Variants in RAB3C observed in about 807,000 individuals in gnomAD.
RAB3C encodes ras-related protein Rab-3C.
In RAB3C, 17 loss-of-function variants were observed where a neutral mutation model predicts 26.4. The observed-to-expected ratio is 0.64, with a 90% CI of 0.44 to 0.97. The LOEUF (loss-of-function observed/expected upper bound fraction) is 0.97, where lower values mean the gene tolerates loss of function less well. Ranked by LOEUF, RAB3C falls within the 50% of genes least tolerant of loss-of-function variation. The pLI, the probability that RAB3C is intolerant of heterozygous loss-of-function variation, is 0.00. For synonymous variants in RAB3C, 91 were observed against 95.9 expected (o/e 0.95, Z 0.30); for missense variants, 242 against 281.9 (o/e 0.86, Z 1.01).
chr5:58,696,837 A>G (rs1465722035), intron 2 of RAB3C, among the ~76,000 whole-genome samples: 1 of 151,942 alleles, frequency 6.6e-6, no homozygotes, highest in African/African-American at 2.4e-5. Flanking sequence ...TCTTTCTAGC[A>G]GTCTACCAAT....
chr5:58,603,963 G>A (rs1746508349), intron 1 of RAB3C, among the ~76,000 whole-genome samples: 1 of 152,206 alleles, frequency 6.6e-6, no homozygotes, highest in Non-Finnish European at 1.5e-5. Context: ...TAGGGCTGAA[G>A]GCTGTTGTTC....
At chr5:58,596,000 GTTGTATAAGGGGAAGA>G (rs1187048991) in intron 1 of RAB3C, among the ~76,000 whole-genome samples, 1 of 152,102 alleles carries the variant, frequency 6.6e-6, no homozygotes, top group Non-Finnish European at 1.5e-5. Flanking sequence ...TTTTATCTAA[GTTGTATAAGGGGAAGA>G]TGGCTGCTTG....
intron 2 of RAB3C, among the ~76,000 whole-genome samples, chr5:58,654,458 A>G (rs1048990263): frequency 2.6e-5 from 4 of 152,196 alleles, no homozygotes; most frequent in African/African-American, 7.2e-5. Flanking sequence ...TGATTATGCC[A>G]TTTAATTATA....
intron 1 of RAB3C, among the ~76,000 whole-genome samples, chr5:58,606,788 G>A (rs1223100072): frequency 6.6e-6 from 1 of 152,114 alleles, no homozygotes; most frequent in African/African-American, 2.4e-5. Flanking sequence ...TGGAGTAGTG[G>A]ACCTCCAGCA....
intron 2 of RAB3C, among the ~76,000 whole-genome samples, chr5:58,719,826 G>C (rs1350768509): frequency 6.6e-6 from 1 of 151,642 alleles, no homozygotes; most frequent in Non-Finnish European, 1.5e-5. Context: ...CTGGGTACAG[G>C]GTATACTGCT....
chr5:58,622,131 G>A (rs573906351), intron 2 of RAB3C, among the ~76,000 whole-genome samples: 1 of 152,068 alleles, frequency 6.6e-6, no homozygotes, highest in South Asian at 2.1e-4. Context: ...GAGTACGCAG[G>A]GTTCAGATTA....
intron 4 of RAB3C, among the ~76,000 whole-genome samples, chr5:58,840,677 T>C (rs1219396265): frequency 6.6e-6 from 1 of 152,178 alleles, no homozygotes; most frequent in Non-Finnish European, 1.5e-5. Context: ...TCTAGGTGGA[T>C]GCAACAGTGT....
chr5:58,660,028 T>A (rs1291084894), intron 2 of RAB3C, among the ~76,000 whole-genome samples: 2 of 150,884 alleles, frequency 1.3e-5, no homozygotes, highest in Non-Finnish European at 2.9e-5. Flanking sequence ...TAGTCTTGAA[T>A]TCTTGAACTC....
At chr5:58,686,390 G>A (rs1748445001) in intron 2 of RAB3C, among the ~76,000 whole-genome samples, 1 of 151,984 alleles carries the variant, frequency 6.6e-6, no homozygotes, top group African/African-American at 2.4e-5. Flanking sequence ...TTAGACTTAG[G>A]CCATTGAAAA....
chr5:58,804,478 G>A (rs1742887982), intron 3 of RAB3C, among the ~76,000 whole-genome samples: 1 of 152,208 alleles, frequency 6.6e-6, no homozygotes, highest in African/African-American at 2.4e-5. Flanking sequence ...ACTCAGGACT[G>A]AGCATTAAAT....
chr5:58,586,492 A>G (rs1746010647), intron 1 of RAB3C, among the ~76,000 whole-genome samples: 5 of 152,150 alleles, frequency 3.3e-5, no homozygotes. Flanking sequence ...ACTTGCATAA[A>G]CTAAACAGAA....
chr5:58,671,391 C>T (rs767308386), intron 2 of RAB3C, among the ~76,000 whole-genome samples: 1 of 152,150 alleles, frequency 6.6e-6, no homozygotes. Context: ...CTGTCTCGTT[C>T]CAGAGCCAGC....
chr5:58,677,131 G>A (rs1579852501), intron 2 of RAB3C, among the ~76,000 whole-genome samples: 1 of 152,144 alleles, frequency 6.6e-6, no homozygotes. Context: ...TTCACGTGGT[G>A]TTCTCCCAAT....
At chr5:58,814,402 A>C (rs1743165577) in intron 3 of RAB3C, among the ~76,000 whole-genome samples, 1 of 152,134 alleles carries the variant, frequency 6.6e-6, no homozygotes, top group Admixed American at 6.5e-5. Context: ...CAGGAATACA[A>C]AGTGGGAAGA....
At chr5:58,661,647 G>A (rs1022284387) in intron 2 of RAB3C, among the ~76,000 whole-genome samples, 1 of 146,012 alleles carries the variant, frequency 6.8e-6, no homozygotes, top group Admixed American at 6.8e-5. Context: ...ATCTAGTGTG[G>A]TGGCAATGCT....
intron 2 of RAB3C, among the ~76,000 whole-genome samples, chr5:58,685,842 GA>G (rs1425309669): frequency 1.4e-4 from 22 of 152,196 alleles, no homozygotes; most frequent in Non-Finnish European, 1.2e-4. Context: ...CAGGCACATG[GA>G]AAAAACGTAG....
chr5:58,720,175 G>A (rs1740719051), intron 2 of RAB3C, among the ~76,000 whole-genome samples: 1 of 151,832 alleles, frequency 6.6e-6, no homozygotes, highest in Non-Finnish European at 1.5e-5. Context: ...CTTGAGTTAT[G>A]TTTCATTACT....
intron 3 of RAB3C, among the ~76,000 whole-genome samples, chr5:58,767,992 AAGCC>A (rs1177525726): frequency 1.3e-5 from 2 of 152,128 alleles, no homozygotes; most frequent in African/African-American, 4.8e-5. Context: ...GGGTGAGAAA[AAGCC>A]AGCCCCTGAC....
chr5:58,694,750 T>C (rs1051085058), intron 2 of RAB3C, among the ~76,000 whole-genome samples: 3 of 152,234 alleles, frequency 2.0e-5, no homozygotes, highest in African/African-American at 7.2e-5. Flanking sequence ...AAGTGTCTGT[T>C]CATATCCTTT....
Sources: gnomAD v4.1 joint callset for allele counts (sites outside exome capture counted in the v4.1 genomes callset) on GRCh38, gnomAD v4.1.1 for gene constraint, MANE v1.5 for transcripts, NCBI Gene and HGNC (gene_info 2026-07-23, HGNC 2026-07-21) for gene names.